Variants in OXR1 observed in about 807,000 individuals in gnomAD.
The protein encoded by OXR1 is oxidation resistance protein 1.
A neutral mutation model predicts 104.6 loss-of-function variants in OXR1; 41 were observed. The observed-to-expected ratio is 0.39, with a 90% CI of 0.31 to 0.51. The LOEUF (loss-of-function observed/expected upper bound fraction) is 0.51, where lower values mean the gene tolerates loss of function less well. OXR1 is among the 20% of genes least tolerant of loss of function. The probability of loss-of-function intolerance (pLI) is 0.77; values close to 1 mark genes in which losing one functional copy is unlikely to be tolerated. For synonymous variants in OXR1, 348 were observed against 348.4 expected, an observed-to-expected ratio of 1.00 and a Z score of 0.01; for missense variants, 955 against 1,031.9, an observed-to-expected ratio of 0.93 and a Z score of 1.02.
chr8:106,526,687 C>T (rs1234357700), intron 3 of OXR1, among the ~76,000 whole-genome samples: 4 of 152,288 alleles, frequency 2.6e-5, no homozygotes, highest in East Asian at 3.9e-4. Flanking sequence ...GGACTACAGG[C>T]GTCCGCCACC....
intron 2 of OXR1, among the ~76,000 whole-genome samples, chr8:106,498,505 A>G (rs1811563108): frequency 6.6e-6 from 1 of 152,230 alleles, no homozygotes; most frequent in Non-Finnish European, 1.5e-5. Context: ...GCTTTATACG[A>G]AATCCAGAAT....
intron 1 of OXR1, among the ~76,000 whole-genome samples, chr8:106,320,645 TTTCTC>T (rs772920127): frequency 3.7e-4 from 56 of 151,238 alleles, no homozygotes; most frequent in Non-Finnish European, 5.6e-4. Context: ...TCCCATCTCT[TTTCTC>T]TTCTCTTTTT....
chr8:106,657,991 A>G (rs1825308053), intron 3 of OXR1: 2 of 1,248,152 alleles, frequency 1.6e-6, no homozygotes, highest in Non-Finnish European at 2.0e-6. Flanking sequence ...GGCAGCATGG[A>G]CTACCTGACG....
intron 1 of OXR1, among the ~76,000 whole-genome samples, chr8:106,284,548 A>G (rs778532069): frequency 3.9e-5 from 6 of 152,206 alleles, no homozygotes; most frequent in Non-Finnish European, 7.3e-5. Context: ...CAAAATCAGC[A>G]TGCCTAGCAA....
chr8:106,337,099 G>A (rs61372898), intron 1 of OXR1, among the ~76,000 whole-genome samples: 43,006 of 152,030 alleles, frequency 0.28, 7,042 homozygotes, highest in Admixed American at 0.35. Context: ...TGTAATTAGC[G>A]TAGAATTACA....
intron 1 of OXR1, among the ~76,000 whole-genome samples, chr8:106,275,398 T>C (rs1170377870): frequency 6.6e-6 from 1 of 152,144 alleles, no homozygotes; most frequent in Non-Finnish European, 1.5e-5. Flanking sequence ...TAGAAGACAA[T>C]GGGCTGGCTG....
At chr8:106,515,938 A>C (rs1490776672) in intron 2 of OXR1, among the ~76,000 whole-genome samples, 1 of 152,144 alleles carries the variant, frequency 6.6e-6, no homozygotes, top group Non-Finnish European at 1.5e-5. Context: ...AAAGCAGCTC[A>C]GAGTGATTCT....
intron 3 of OXR1, among the ~76,000 whole-genome samples, chr8:106,569,258 T>G (rs1487257738): frequency 6.6e-6 from 1 of 152,078 alleles, no homozygotes; most frequent in Non-Finnish European, 1.5e-5. Context: ...CCCTTCTTCT[T>G]TCTTCTCAAT....
At chr8:106,609,346 T>C (rs1283727762) in intron 3 of OXR1, among the ~76,000 whole-genome samples, 3 of 152,212 alleles carry the variant, frequency 2.0e-5, no homozygotes, top group Non-Finnish European at 4.4e-5. Context: ...GCAAGTGCTA[T>C]ATACACAGGA....
chr8:106,368,826 T>A (rs763990018), intron 2 of OXR1, among the ~76,000 whole-genome samples: 1 of 152,196 alleles, frequency 6.6e-6, no homozygotes, highest in Non-Finnish European at 1.5e-5. Context: ...GTTGGTTCCA[T>A]GTCTTTGCTA....
In OXR1 at chr8:106,372,730, C is replaced by T. The variant is rs555001518; in HGVS notation, c.23+13094C>T. Among the ~76,000 whole-genome samples, 5 of 152,222 alleles carry T rather than the reference C, an allele frequency of 3.3e-5. No homozygotes were observed. The East Asian group carries it at 7.7e-4, about 24-fold the overall frequency. The stretch of plus-strand genomic sequence containing the variant: ...GAATTTTGGGTTTGGACTTGGGTGC[C>T]ACCCCTGAGTTATCTCATCATAAAT... On this transcript the variant is annotated intron_variant, in intron 2 of 16. Transcript: ENST00000517566.
intron 3 of OXR1, among the ~76,000 whole-genome samples, chr8:106,622,917 T>C (rs756628729): frequency 6.6e-6 from 1 of 152,238 alleles, no homozygotes; most frequent in African/African-American, 2.4e-5. Context: ...ACATTATTTG[T>C]TGAATATATC....
intron 3 of OXR1, among the ~76,000 whole-genome samples, chr8:106,650,590 T>C (rs1310475337): frequency 6.6e-6 from 1 of 152,146 alleles, no homozygotes; most frequent in Non-Finnish European, 1.5e-5. Context: ...AGGTCCTTTT[T>C]AACTTAAAAA....
At chr8:106,445,068 C>T (rs945062872) in intron 2 of OXR1, among the ~76,000 whole-genome samples, 1 of 152,138 alleles carries the variant, frequency 6.6e-6, no homozygotes, top group African/African-American at 2.4e-5. Flanking sequence ...AGTCTACCAA[C>T]AGAGCCATTT....
chr8:106,733,993 T>C (rs1834146865), intron 11 of OXR1, among the ~76,000 whole-genome samples: 1 of 78,558 alleles, frequency 1.3e-5, no homozygotes, highest in Non-Finnish European at 2.4e-5. Flanking sequence ...TTCTGGATTT[T>C]TTTTTTTTTT....
At chr8:106,293,879 T>G (rs766588268) in intron 1 of OXR1, among the ~76,000 whole-genome samples, 2 of 151,938 alleles carry the variant, frequency 1.3e-5, no homozygotes, top group Non-Finnish European at 2.9e-5. Flanking sequence ...ACTTTTGTAT[T>G]GGGGATAAAG....
At chr8:106,493,519 G>A (rs572102161) in intron 2 of OXR1, among the ~76,000 whole-genome samples, 55 of 282 alleles carry the variant, frequency 0.2, no homozygotes, top group African/African-American at 0.35. Context: ...GGAATAAGCA[G>A]TGTAATTAAC....
At chr8:106,387,807 A>G (rs1817438896) in intron 2 of OXR1, among the ~76,000 whole-genome samples, 1 of 152,220 alleles carries the variant, frequency 6.6e-6, no homozygotes, top group South Asian at 2.1e-4. Context: ...ATTATGCTCC[A>G]ACTCTTGAGT....
intron 11 of OXR1, among the ~76,000 whole-genome samples, chr8:106,735,424 T>C (rs1834279586): frequency 6.6e-6 from 1 of 152,164 alleles, no homozygotes; most frequent in African/African-American, 2.4e-5. Context: ...ATTGTTCTCT[T>C]ATTAGTAACT....
Sources: gnomAD v4.1 joint callset for allele counts (sites outside exome capture counted in the v4.1 genomes callset) on GRCh38, gnomAD v4.1.1 for gene constraint, MANE v1.5 for transcripts, NCBI Gene and HGNC (gene_info 2026-07-23, HGNC 2026-07-21) for gene names.